Variants in CACNB3 observed in about 807,000 individuals in gnomAD.
CACNB3 encodes the protein voltage-dependent L-type calcium channel subunit beta-3.
In CACNB3, 36 loss-of-function variants were observed where a neutral mutation model predicts 63.7. That is an observed-to-expected ratio of 0.57 (90% CI 0.43 to 0.75). The LOEUF (loss-of-function observed/expected upper bound fraction) is 0.75, where lower values mean the gene tolerates loss of function less well. CACNB3 is among the 30% of genes least tolerant of loss of function. The pLI, the probability that CACNB3 is intolerant of heterozygous loss-of-function variation, is 0.00. For missense variants in CACNB3, 493 were observed against 648.6 expected (o/e 0.76, Z 2.61); for synonymous variants, 241 against 250.6 (o/e 0.96, Z 0.36).
In CACNB3 at chr12:48,825,392, C is replaced by T; in HGVS notation, c.574-42C>T. Reference sequence around the variant, plus strand: ...GGGGCCATGCATGGGGAGGCTGCTTCTCTCCAAAGGGGCCCTTCATCAGTG... The same window carrying T: ...GGGGCCATGCATGGGGAGGCTGCTTTTCTCCAAAGGGGCCCTTCATCAGTG... On this transcript the variant is annotated intron_variant, in intron 7 of 12. Transcript: ENST00000301050. The surrounding 1 kb of genome is among the most constrained non-coding windows in gnomAD (Gnocchi z 4.5). The T allele has an allele frequency of 6.2e-7, 1 of 1,611,316 alleles. No individual in the cohort carries two copies. Among genetic ancestry groups the T allele is most frequent in the Non-Finnish European group, 8.5e-7 (1 of 1,177,462 alleles).
intron 1 of CACNB3, among the ~76,000 whole-genome samples, chr12:48,821,693 A>AG (rs1220074517): frequency 6.6e-6 from 1 of 152,060 alleles, no homozygotes; most frequent in East Asian, 1.9e-4. Flanking sequence ...CATCCCACAG[A>AG]GGTTTCTCTT....
chr12:48,825,798 GC>G lies in CACNB3; in HGVS notation c.742+32del. 6.6e-7 allele frequency: 1 copy of G among 1,509,410 alleles called. No individual in the cohort carries two copies. The highest frequency in any genetic ancestry group is 9.2e-7 in the Non-Finnish European group (1 of 1,087,362). 93.5% of individuals were successfully genotyped at this position (1,509,410 alleles called of 1,614,324 possible). A position where few individuals can be genotyped will look rare whatever the true frequency, so the allele number is the denominator to read the frequency against. On this transcript the variant is annotated intron_variant, in intron 9 of 12. Transcript: ENST00000301050. This position sits in a 1 kb window ranked among gnomAD's most constrained non-coding sequence, Gnocchi z 4.5. ...AGAAGTCCCCACCACCTGCTTCTGT[GC>G]CCACTCAAGTGCCAGTGAGAACCTT...
chr12:48,827,441 A>C (rs1938205468), intron 12 of CACNB3, 144 bp from the exon 13 acceptor site: 5 of 866,350 alleles, frequency 5.8e-6, no homozygotes, highest in Non-Finnish European at 6.9e-6. Flanking sequence ...CTCTCGGAAG[A>C]GGAAAAATGC....
Position 48,825,810 on chromosome 12 carries a change from G to A in CACNB3, c.742+41G>A, listed in dbSNP as rs768310279. Reference sequence around the variant, plus strand: ...CACCTGCTTCTGTGCCCACTCAAGTGCCAGTGAGAACCTTCCTCCTCCCTT... The same window carrying A: ...CACCTGCTTCTGTGCCCACTCAAGTACCAGTGAGAACCTTCCTCCTCCCTT... On this transcript the variant is annotated intron_variant, in intron 9 of 12. Coordinates refer to ENST00000301050, the MANE Select transcript of CACNB3 (RefSeq NM_000725.4). The surrounding 1 kb of genome is among the most constrained non-coding windows in gnomAD (Gnocchi z 4.5). 7.1e-7 allele frequency: 1 copy of A among 1,416,104 alleles called. No homozygotes were observed. Among genetic ancestry groups the A allele is most frequent in the Non-Finnish European group, 1.0e-6 (1 of 1,004,464 alleles). The allele number at this position is 1,416,104 out of a possible 1,614,324, so 87.7% of individuals were successfully genotyped here. A position where few individuals can be genotyped will look rare whatever the true frequency, so the allele number is the denominator to read the frequency against.
At chr12:48,824,450 C>G in intron 4 of CACNB3, 77 bp downstream of exon 4, 1 of 1,249,278 alleles carries the variant, frequency 8.0e-7, no homozygotes, top group Non-Finnish European at 1.1e-6. Flanking sequence ...ACCATGCATG[C>G]CATACACATG....
chr12:48,827,254 C>A, intron 12 of CACNB3, 131 bp downstream of exon 12: 8 of 1,163,042 alleles, frequency 6.9e-6, no homozygotes, highest in Non-Finnish European at 9.8e-6. Context: ...CTCTGCTGTA[C>A]AGAGCTAGCA....
rs1006925831 is a variant in CACNB3, at chr12:48,826,769, G to A, written c.905G>A (p.Arg302His). The change falls in exon 11 of 13, where the codon CGT (arginine) becomes CAT (histidine). Residue 302 changes from arginine (R) to histidine (H), a missense_variant. Physicochemically the swap from Arg to His is conservative, Grantham distance 29. Transcript: ENST00000301050. The surrounding 1 kb of genome is among the most constrained non-coding windows in gnomAD (Gnocchi z 4.8). ...GCCCTCCCCGCTCAGGTACTCCAGC[G>A]TCTCATTCGCTCCCGGGGGAAGTCA... ...VKVSSPKVLQRLIRSRGKSQM... is the reference protein window; with the variant it reads ...VKVSSPKVLQHLIRSRGKSQM... 12 of 1,613,832 alleles carry A rather than the reference G, an allele frequency of 7.4e-6. No homozygotes were observed. Among genetic ancestry groups the A allele is most frequent in the Non-Finnish European group, 1.0e-5 (12 of 1,179,758 alleles).
In CACNB3 at chr12:48,818,854, G is replaced by A. The variant is rs922640466; in HGVS notation, c.-76G>A. On this transcript the variant is annotated 5_prime_UTR_variant, in exon 1 of 13. Coordinates refer to ENST00000301050, the MANE Select transcript of CACNB3 (RefSeq NM_000725.4). This position sits in a 1 kb window ranked among gnomAD's most constrained non-coding sequence, Gnocchi z 4.3. ...GGGCTCGGTGGCATCTCCCGGGCGC[G>A]GCCCGCAGTCCTTGCCCCTGCCTCC... 27 of 1,456,906 alleles carry A rather than the reference G, an allele frequency of 1.9e-5. No homozygotes were observed. Among genetic ancestry groups the A allele is most frequent in the Admixed American group, 1.4e-4 (5 of 35,344 alleles). 90.2% of individuals were successfully genotyped at this position (1,456,906 alleles called of 1,614,324 possible).
In CACNB3 at chr12:48,827,843, A is replaced by C. The variant is rs774144606; in HGVS notation, c.1399A>C (p.Asn467His). 4 of 1,614,082 alleles carry C rather than the reference A, an allele frequency of 2.5e-6. No individual in the cohort carries two copies. In the South Asian group the frequency reaches 3.3e-5, roughly 13 times the overall value. ...GCTTCTAGCCCAGGACTCAGAGCAC[A>C]ACCACAGTGACCGGAACTGGCAGCG... The part of the protein sequence containing the change: ...DRLLAQDSEH[N>H]HSDRNWQRNR... Residue 467 changes from asparagine (N) to histidine (H), a missense_variant, in exon 13 of 13, where the codon AAC becomes CAC. Physicochemically the swap from Asn to His is moderately conservative, Grantham distance 68. Coordinates refer to ENST00000301050, the MANE Select transcript of CACNB3 (RefSeq NM_000725.4).
upstream of CACNB3, chr12:48,814,518 G>C (rs1453730946): frequency 1.3e-6 from 2 of 1,529,488 alleles, no homozygotes. The surrounding 1 kb of genome is among the most constrained non-coding windows in gnomAD (Gnocchi z 6.9). Flanking sequence ...GACGCTGCCC[G>C]GCTTAGCTGG....
At chr12:48,819,494 C>G (rs1355307764) in intron 1 of CACNB3, 1 of 309,626 alleles carries the variant, frequency 3.2e-6, no homozygotes, top group Non-Finnish European at 6.5e-6. Flanking sequence ...TTGAGGAGCT[C>G]CATTATTCCC....
upstream of CACNB3, chr12:48,815,739 GGGGGGTGTGGGGTCGT>G: frequency 7.1e-7 from 1 of 1,405,838 alleles, no homozygotes; most frequent in Non-Finnish European, 9.7e-7. Flanking sequence ...GTAACCGTGG[GGGGGGTGTGGGGTCGT>G]GGGAAGGGGG....
At position 48,825,616 on chromosome 12, in the gene CACNB3, G is replaced by A. The variant is rs1565669093; in HGVS notation, c.633-44G>A. ...GGGAGCTGAGTAAGGAGAGGCTGAGGCACAGGTTTAGAAGCAAGCTGTGAT... is the reference window on the plus strand; with the variant it reads ...GGGAGCTGAGTAAGGAGAGGCTGAGACACAGGTTTAGAAGCAAGCTGTGAT... On this transcript the variant is annotated intron_variant, in intron 8 of 12. Coordinates refer to ENST00000301050, the MANE Select transcript of CACNB3 (RefSeq NM_000725.4). This position sits in a 1 kb window ranked among gnomAD's most constrained non-coding sequence, Gnocchi z 4.5. The A allele has an allele frequency of 6.3e-7, 1 of 1,579,784 alleles. No homozygotes were observed. The highest frequency in any genetic ancestry group is 8.7e-7 in the Non-Finnish European group (1 of 1,148,770).
At position 48,825,931 on chromosome 12, in the gene CACNB3, C is replaced by T. The variant is rs572132263; in HGVS notation, c.742+162C>T. On this transcript the variant is annotated intron_variant, in intron 9 of 12. Coordinates refer to ENST00000301050, the MANE Select transcript of CACNB3 (RefSeq NM_000725.4). This position sits in a 1 kb window ranked among gnomAD's most constrained non-coding sequence, Gnocchi z 4.5. ...GCAACCTCCACCTCCTGGGTTCAAGCGATCTTCCCATCTCAGCCTCCTGAG... is the reference window on the plus strand; with the variant it reads ...GCAACCTCCACCTCCTGGGTTCAAGTGATCTTCCCATCTCAGCCTCCTGAG... 3.3e-5 allele frequency among the ~76,000 whole-genome samples: 5 copies of T among 152,044 alleles called. No homozygotes were observed. The highest frequency in any genetic ancestry group is 4.2e-4 in the South Asian group (2 of 4,816).
Position 48,825,148 on chromosome 12 carries a change from A to G in CACNB3, c.493-15A>G, listed in dbSNP as rs762283689. The G allele has an allele frequency of 9.9e-6, 16 of 1,613,726 alleles. No homozygotes were observed. The South Asian group carries it at 1.8e-4, about 18-fold the overall frequency. ...CAGGGCCATGGTTTCTACTGACCTC[A>G]TGTCCATTCTGCAGGCGGAACATGT... On this transcript the variant is annotated splice_polypyrimidine_tract_variant and intron_variant, in intron 6 of 12. Coordinates refer to ENST00000301050, the MANE Select transcript of CACNB3 (RefSeq NM_000725.4). The surrounding 1 kb of genome is among the most constrained non-coding windows in gnomAD (Gnocchi z 4.5).
chr12:48,825,500 G>A lies in CACNB3; in HGVS notation c.632+8G>A. 6.2e-7 allele frequency: 1 copy of A among 1,614,170 alleles called. No homozygotes were observed. The highest frequency in any genetic ancestry group is 1.6e-4 in the Middle Eastern group (1 of 6,062). On this transcript the variant is annotated splice_region_variant and intron_variant, in intron 8 of 12. Coordinates refer to ENST00000301050, the MANE Select transcript of CACNB3 (RefSeq NM_000725.4). The surrounding 1 kb of genome is among the most constrained non-coding windows in gnomAD (Gnocchi z 4.5). ...ACACAGATTTGATGGCAGGTAAGCT[G>A]CCCTGGCCTGAGGTGGCCTGAGAAC...
Position 48,826,179 on chromosome 12 carries a change from TA to T in CACNB3, c.743-187del, listed in dbSNP as rs1938128156. 1.6e-6 allele frequency: 1 copy of T among 613,018 alleles called. No individual in the cohort carries two copies. The highest frequency in any genetic ancestry group is 1.8e-5 in the African/African-American group (1 of 54,114). 38.0% of individuals were successfully genotyped at this position (613,018 alleles called of 1,614,324 possible). A position where few individuals can be genotyped will look rare whatever the true frequency, so the allele number is the denominator to read the frequency against. On this transcript the variant is annotated intron_variant, in intron 9 of 12. Transcript: ENST00000301050. The surrounding 1 kb of genome is among the most constrained non-coding windows in gnomAD (Gnocchi z 4.8). Reference sequence around the variant, plus strand: ...TCCTTGTCTTTCTGCCCAACTCCTCTACCTGCCCCCAGGATTGGCAAGAACA... The same window carrying T: ...TCCTTGTCTTTCTGCCCAACTCCTCTCCTGCCCCCAGGATTGGCAAGAACA...
rs1937943609 is a variant in CACNB3, at chr12:48,823,140, C to T, written c.46-204C>T. Among the ~76,000 whole-genome samples, 1 of 152,122 alleles carries T rather than the reference C, an allele frequency of 6.6e-6. No individual in the cohort carries two copies. Among genetic ancestry groups the T allele is most frequent in the African/African-American group, 2.4e-5 (1 of 41,422 alleles). On this transcript the variant is annotated intron_variant, in intron 1 of 12. Transcript: ENST00000301050. This position sits in a 1 kb window ranked among gnomAD's most constrained non-coding sequence, Gnocchi z 4.2. Reference sequence around the variant, plus strand: ...GGGGGAGGAGGGGCCCAGATCTTTGCACCTATGGATTGGGCCAGCTTTCCT... The same window carrying T: ...GGGGGAGGAGGGGCCCAGATCTTTGTACCTATGGATTGGGCCAGCTTTCCT...
At position 48,823,792 on chromosome 12, in the gene CACNB3, C is replaced by T. The variant is rs777191452; in HGVS notation, c.280C>T (p.His94Tyr). The T allele has an allele frequency of 1.9e-6, 3 of 1,613,992 alleles. No individual in the cohort carries two copies. The African/African-American group carries it at 4.0e-5, about 22-fold the overall frequency. The change falls in exon 3 of 13, where the codon CAC (histidine) becomes TAC (tyrosine). Residue 94 changes from histidine (H) to tyrosine (Y), a missense_variant. By Grantham distance (83) the His-to-Tyr change is moderately conservative. Transcript: ENST00000301050. This position sits in a 1 kb window ranked among gnomAD's most constrained non-coding sequence, Gnocchi z 4.2. ...GVNFEAKDFLHIKEKYSNDWW... is the reference protein window; with the variant it reads ...GVNFEAKDFLYIKEKYSNDWW... ...CAACTTTGAGGCCAAAGATTTTCTG[C>T]ACATTAAAGAGGTGATCGACCCCCC...
Sources: allele counts gnomAD v4.1 joint callset (sites outside exome capture counted in the v4.1 genomes callset), GRCh38; gene constraint gnomAD v4.1.1; non-coding constraint Gnocchi (gnomAD v3.1); transcripts MANE v1.5; gene names NCBI Gene and HGNC (gene_info 2026-07-23, HGNC 2026-07-21).